NTN1: variants seen among roughly 807,000 people sequenced by gnomAD.
The protein encoded by NTN1 is netrin-1.
A neutral mutation model predicts 54.2 loss-of-function variants in NTN1; 11 were observed. The observed-to-expected ratio is 0.20, with a 90% CI of 0.13 to 0.34. NTN1 has a LOEUF of 0.34. Ranked by LOEUF, NTN1 falls within the 10% of genes least tolerant of loss-of-function variation. NTN1 has a pLI of 1.00. For synonymous variants in NTN1, 371 were observed against 382.0 expected (o/e 0.97, Z 0.33); for missense variants, 740 against 893.1 (o/e 0.83, Z 2.18).
At chr17:9,028,480 C>T (rs548756899) in intron 2 of NTN1, among the ~76,000 whole-genome samples, 9 of 152,266 alleles carry the variant, frequency 5.9e-5, no homozygotes, top group Middle Eastern at 3.4e-3. Context: ...GGTGGGTCTG[C>T]GTGTTTCCAG....
At chr17:9,133,204 T>G (rs989265501) in intron 2 of NTN1, among the ~76,000 whole-genome samples, 1 of 151,822 alleles carries the variant, frequency 6.6e-6, no homozygotes, top group Non-Finnish European at 1.5e-5. Flanking sequence ...CCTGGGGGAG[T>G]CTGACGGATG....
In NTN1 at chr17:9,162,959, C is replaced by G; in HGVS notation, c.1165C>G (p.Arg389Gly). The change falls in exon 3 of 7, where the codon CGC becomes GGC. Residue 389 changes from arginine to glycine, a missense_variant. Coordinates refer to ENST00000173229, the MANE Select transcript of NTN1 (RefSeq NM_004822.3). ...CCATTACTGCAAGGAGGGCTACTAC[C>G]GCGACATGGGCAAGCCCATCACCCA... ...HCHYCKEGYY[R>G]DMGKPITHRK... The G allele has an allele frequency of 3.1e-6, 5 of 1,613,460 alleles. No individual in the cohort carries two copies. Among genetic ancestry groups the G allele is most frequent in the Non-Finnish European group, 4.2e-6 (5 of 1,179,762 alleles).
chr17:9,132,347 T>C (rs2142271453), intron 2 of NTN1, among the ~76,000 whole-genome samples: 1 of 152,314 alleles, frequency 6.6e-6, no homozygotes, highest in South Asian at 2.1e-4. Flanking sequence ...ACTCCTGACA[T>C]CCTGGAAAAC....
chr17:9,181,921 T>G (rs2092419895), intron 4 of NTN1, among the ~76,000 whole-genome samples: 1 of 152,224 alleles, frequency 6.6e-6, no homozygotes, highest in Non-Finnish European at 1.5e-5. Context: ...CTCTCTTTTC[T>G]TGAGCACAGG....
intron 6 of NTN1, among the ~76,000 whole-genome samples, chr17:9,233,317 CTTT>C (rs1376352370): frequency 6.6e-6 from 1 of 152,082 alleles, no homozygotes; most frequent in Admixed American, 6.5e-5. Flanking sequence ...GGGGCTGGGC[CTTT>C]CCCGCCCTGT....
chr17:9,176,102 C>T (rs150717726), intron 3 of NTN1: 2,183 of 152,642 alleles, frequency 0.014, 19 homozygotes, highest in Non-Finnish European at 0.022. Context: ...ACCTCCCCTG[C>T]AAAGGAAAAG....
chr17:9,177,173 A>G (rs2092402315), intron 3 of NTN1: 1 of 152,276 alleles, frequency 6.6e-6, no homozygotes, highest in African/African-American at 2.4e-5. Flanking sequence ...AGGAGCAAGC[A>G]TCAGCTCATG....
At chr17:9,120,271 C>G (rs1252468132) in intron 2 of NTN1, among the ~76,000 whole-genome samples, 5 of 137,018 alleles carry the variant, frequency 3.6e-5, no homozygotes, top group African/African-American at 1.4e-4. Context: ...GGTGACAGAG[C>G]GAGACTCCGT....
upstream of NTN1, among the ~76,000 whole-genome samples, chr17:9,018,832 G>A (rs961716969): frequency 1.3e-5 from 2 of 152,060 alleles, no homozygotes; most frequent in African/African-American, 4.8e-5. Flanking sequence ...TACATTCAGG[G>A]GGATCACAGA....
intron 2 of NTN1, among the ~76,000 whole-genome samples, chr17:9,139,772 C>T (rs2092291959): frequency 1.3e-5 from 2 of 152,306 alleles, no homozygotes; most frequent in Non-Finnish European, 2.9e-5. Flanking sequence ...TTATCTAGTA[C>T]ATCCATCTAC....
Position 9,056,859 on chromosome 17 carries a change from G to A in NTN1, c.1018+33468G>A, listed in dbSNP as rs569754259. On this transcript the variant is annotated intron_variant, in intron 2 of 6. Coordinates refer to ENST00000173229, the MANE Select transcript of NTN1 (RefSeq NM_004822.3). ...TTTTTGAAGGAAGAACTGATGGGGC[G>A]TGGGACTGGTCCAGCATGAAGGATG... 5.9e-5 allele frequency among the ~76,000 whole-genome samples: 9 copies of A among 152,310 alleles called. No individual in the cohort carries two copies. In the South Asian group the frequency reaches 1.9e-3, roughly 32 times the overall value.
At chr17:9,181,736 G>A (rs7216326) in intron 4 of NTN1, among the ~76,000 whole-genome samples, 26,068 of 152,070 alleles carry the variant, frequency 0.17, 2,758 homozygotes, top group African/African-American at 0.3. Context: ...GAGTTTTACC[G>A]CAAAGAATCA....
chr17:9,148,626 T>C (rs1391260972), intron 2 of NTN1, among the ~76,000 whole-genome samples: 1 of 152,062 alleles, frequency 6.6e-6, no homozygotes, highest in Admixed American at 6.6e-5. Context: ...AACCCGAGTC[T>C]AGTCGGAGAG....
At chr17:9,079,987 G>A (rs1185655296) in intron 2 of NTN1, among the ~76,000 whole-genome samples, 9 of 148,898 alleles carry the variant, frequency 6.0e-5, no homozygotes, top group African/African-American at 2.0e-4. Context: ...CCTGGCCCCC[G>A]AGGAAGTGGT....
Position 9,022,341 on chromosome 17 carries a change from G to C in NTN1, c.-33G>C, listed in dbSNP as rs2091852592. The C allele has an allele frequency of 3.1e-6, 4 of 1,270,018 alleles. No individual in the cohort carries two copies. The highest frequency in any genetic ancestry group is 3.9e-6 in the Non-Finnish European group (4 of 1,013,492). The allele number at this position is 1,270,018 out of a possible 1,614,324, so 78.7% of individuals were successfully genotyped here. A position where few individuals can be genotyped will look rare whatever the true frequency, so the allele number is the denominator to read the frequency against. ...TTCTGCGGCAGGCGGACAGATCCTCGGCGCGGCAGGGCCGGGGCAAGCTGG... is the reference window on the plus strand; with the variant it reads ...TTCTGCGGCAGGCGGACAGATCCTCCGCGCGGCAGGGCCGGGGCAAGCTGG... On this transcript the variant is annotated 5_prime_UTR_variant, in exon 2 of 7. Coordinates refer to ENST00000173229, the MANE Select transcript of NTN1 (RefSeq NM_004822.3).
chr17:9,056,811 A>G (rs529455252), intron 2 of NTN1, among the ~76,000 whole-genome samples: 1 of 152,272 alleles, frequency 6.6e-6, no homozygotes, highest in African/African-American at 2.4e-5. Context: ...CAGGGGCTCC[A>G]CCCCGTGAGA....
intron 2 of NTN1, among the ~76,000 whole-genome samples, chr17:9,124,395 C>G (rs551189072): frequency 6.6e-6 from 1 of 152,220 alleles, no homozygotes; most frequent in African/African-American, 2.4e-5. Flanking sequence ...GGCTTCTCTC[C>G]GGATTCCACT....
intron 2 of NTN1, among the ~76,000 whole-genome samples, chr17:9,044,881 C>T (rs1028559507): frequency 2.6e-5 from 4 of 152,066 alleles, no homozygotes; most frequent in African/African-American, 9.7e-5. Context: ...CGGGGGGTCA[C>T]AAAACAGTAT....
In NTN1 at chr17:9,239,190, G is replaced by A. The variant is rs1906099628; in HGVS notation, c.1487-450G>A. 6.6e-6 allele frequency among the ~76,000 whole-genome samples: 1 copy of A among 152,168 alleles called. No individual in the cohort carries two copies. Among genetic ancestry groups the A allele is most frequent in the African/African-American group, 2.4e-5 (1 of 41,426 alleles). ...ATGGTTTTCTGAGGCTGGTTGGAGG[G>A]CCAGGCTGTGTGTGGAGTGTCATGA... is the stretch of plus-strand genomic sequence containing the variant. On this transcript the variant is annotated intron_variant, in intron 6 of 6. Coordinates refer to ENST00000173229, the MANE Select transcript of NTN1 (RefSeq NM_004822.3). The surrounding 1 kb of genome is among the most constrained non-coding windows in gnomAD (Gnocchi z 5.2).
Sources: gnomAD v4.1 joint callset for allele counts (sites outside exome capture counted in the v4.1 genomes callset) on GRCh38, gnomAD v4.1.1 for gene constraint, Gnocchi (gnomAD v3.1) non-coding constraint, MANE v1.5 for transcripts, NCBI Gene and HGNC (gene_info 2026-07-23, HGNC 2026-07-21) for gene names.